Variants in HS3ST4 observed in about 807,000 individuals in gnomAD.
HS3ST4 encodes heparan sulfate-glucosamine 3-sulfotransferase 4, also known as heparan sulfate glucosamine 3-O-sulfotransferase 4.
A neutral mutation model predicts 29.2 loss-of-function variants in HS3ST4; 17 were observed. That is an observed-to-expected ratio of 0.58 (90% CI 0.40 to 0.87). The LOEUF (loss-of-function observed/expected upper bound fraction) is 0.87. Among genes scored for constraint, HS3ST4 ranks in the 40% least tolerant of loss-of-function variants. HS3ST4 has a pLI of 0.00. For synonymous variants in HS3ST4, 314 were observed against 285.7 expected (o/e 1.10, Z -1.00); for missense variants, 627 against 634.5 (o/e 0.99, Z 0.13).
chr16:25,869,215 G>T (rs769043849), intron 1 of HS3ST4, among the ~76,000 whole-genome samples: 1 of 152,070 alleles, frequency 6.6e-6, no homozygotes, highest in Non-Finnish European at 1.5e-5. Context: ...TTTGCTCTCC[G>T]TGGAGAAACA....
chr16:25,947,634 T>C (rs1341359464), intron 1 of HS3ST4, among the ~76,000 whole-genome samples: 2 of 152,198 alleles, frequency 1.3e-5, no homozygotes, highest in African/African-American at 4.8e-5. Flanking sequence ...GTCATCTTTG[T>C]CAGCATTTCA....
intron 1 of HS3ST4, among the ~76,000 whole-genome samples, chr16:25,805,653 T>G (rs1966982509): frequency 6.6e-6 from 1 of 152,152 alleles, no homozygotes; most frequent in Admixed American, 6.5e-5. Flanking sequence ...TCTAAGAAGA[T>G]CCTTATGGGA....
intron 1 of HS3ST4, among the ~76,000 whole-genome samples, chr16:25,715,378 C>A (rs1343352047): frequency 6.6e-6 from 1 of 150,438 alleles, no homozygotes; most frequent in African/African-American, 2.4e-5. Flanking sequence ...GCCTTTTGTG[C>A]CCCAGGCACC....
At chr16:25,892,528 G>T (rs773904520) in intron 1 of HS3ST4, among the ~76,000 whole-genome samples, 4 of 152,200 alleles carry the variant, frequency 2.6e-5, no homozygotes, top group Non-Finnish European at 5.9e-5. Context: ...TGAGAGAATG[G>T]ATGAGTTGAA....
intron 1 of HS3ST4, among the ~76,000 whole-genome samples, chr16:25,751,110 T>C (rs191918012): frequency 2.1e-4 from 32 of 152,280 alleles, no homozygotes; most frequent in Non-Finnish European, 3.5e-4. Flanking sequence ...ACTGCACAAC[T>C]CCTGTGTCTG....
chr16:26,129,289 C>A (rs780789096), intron 1 of HS3ST4, among the ~76,000 whole-genome samples: 4 of 152,198 alleles, frequency 2.6e-5, no homozygotes, highest in Non-Finnish European at 4.4e-5. Flanking sequence ...TAAGATTCAA[C>A]TTTGCCACCT....
At chr16:25,915,299 T>G (rs1010455748) in intron 1 of HS3ST4, among the ~76,000 whole-genome samples, 8 of 152,272 alleles carry the variant, frequency 5.3e-5, no homozygotes, top group Admixed American at 5.2e-4. Flanking sequence ...CTGCTTGCTG[T>G]CTCTCTGAAC....
intron 1 of HS3ST4, among the ~76,000 whole-genome samples, chr16:25,750,492 C>G (rs1297991126): frequency 6.6e-6 from 1 of 152,148 alleles, no homozygotes; most frequent in Non-Finnish European, 1.5e-5. Context: ...ACTGTTAGAC[C>G]TGATGCTACC....
intron 1 of HS3ST4, among the ~76,000 whole-genome samples, chr16:26,108,581 T>G (rs890282044): frequency 5.3e-5 from 8 of 152,208 alleles, no homozygotes; most frequent in African/African-American, 1.9e-4. Flanking sequence ...TCACTGAACT[T>G]GCCTGTACCT....
In HS3ST4 at chr16:25,854,389, T is replaced by G. The variant is rs767799367; in HGVS notation, c.734+161238T>G. ...CTTTAAGCATGCTAATGAATTGTAA[T>G]TAGCATATAATGAGCAGTGAGGATG... On this transcript the variant is annotated intron_variant, in intron 1 of 1. Coordinates refer to ENST00000331351, the MANE Select transcript of HS3ST4 (RefSeq NM_006040.3). Among the ~76,000 whole-genome samples the G allele has an allele frequency of 2.0e-5, 3 of 152,342 alleles. No individual in the cohort carries two copies. In the South Asian group the frequency reaches 6.2e-4, roughly 32 times the overall value.
intron 1 of HS3ST4, among the ~76,000 whole-genome samples, chr16:25,717,723 G>A (rs564429733): frequency 3.3e-5 from 5 of 152,256 alleles, no homozygotes; most frequent in South Asian, 2.1e-4. Context: ...TGTAGGCCAC[G>A]TTAAAGAGTT....
chr16:25,880,474 T>G (rs944481972), intron 1 of HS3ST4, among the ~76,000 whole-genome samples: 3 of 152,210 alleles, frequency 2.0e-5, no homozygotes, highest in Non-Finnish European at 4.4e-5. Flanking sequence ...CTCTTTACAG[T>G]AGTTCTTGGA....
At chr16:25,813,196 A>G (rs1967059221) in intron 1 of HS3ST4, among the ~76,000 whole-genome samples, 1 of 152,248 alleles carries the variant, frequency 6.6e-6, no homozygotes, top group Non-Finnish European at 1.5e-5. Context: ...AAAGATGTTC[A>G]ATATCATTAA....
chr16:25,819,262 T>C (rs1459159685), intron 1 of HS3ST4, among the ~76,000 whole-genome samples: 2 of 152,202 alleles, frequency 1.3e-5, no homozygotes, highest in Non-Finnish European at 2.9e-5. Context: ...CAGAGTTTTC[T>C]TTCATCATTC....
At chr16:25,933,794 G>A (rs1254839403) in intron 1 of HS3ST4, among the ~76,000 whole-genome samples, 1 of 152,146 alleles carries the variant, frequency 6.6e-6, no homozygotes, top group Non-Finnish European at 1.5e-5. Flanking sequence ...GTGAGGGAGA[G>A]AAGGAGGAGG....
chr16:25,759,248 C>G (rs772353299), intron 1 of HS3ST4, among the ~76,000 whole-genome samples: 10 of 152,202 alleles, frequency 6.6e-5, no homozygotes, highest in Non-Finnish European at 1.2e-4. Context: ...ACAACTTACT[C>G]TGCCCTGGGC....
intron 1 of HS3ST4, among the ~76,000 whole-genome samples, chr16:25,766,336 A>G (rs918394188): frequency 6.6e-6 from 1 of 152,158 alleles, no homozygotes; most frequent in Non-Finnish European, 1.5e-5. Flanking sequence ...ATCAGTACAG[A>G]AGGAATTGTA....
rs138016841 is a variant in HS3ST4 at position 25,925,938 on chromosome 16, C to A, written c.735-209674C>A. Among the ~76,000 whole-genome samples the A allele has an allele frequency of 5.1e-3, 779 of 152,226 alleles. 10 individuals are homozygous for A. Among genetic ancestry groups the A allele is most frequent in the African/African-American group, 0.017 (724 of 41,522 alleles). On this transcript the variant is annotated intron_variant, in intron 1 of 1. Coordinates refer to ENST00000331351, the MANE Select transcript of HS3ST4 (RefSeq NM_006040.3). Reference sequence around the variant, plus strand: ...CTATTAGGCAAGTTGTACTCCCTCTCTGCCTCCGCTCCCATGCCAGACCCT... The same window carrying A: ...CTATTAGGCAAGTTGTACTCCCTCTATGCCTCCGCTCCCATGCCAGACCCT...
chr16:25,753,233 G>GGCT (rs1966733099), intron 1 of HS3ST4, among the ~76,000 whole-genome samples: 1 of 152,190 alleles, frequency 6.6e-6, no homozygotes, highest in South Asian at 2.1e-4. Flanking sequence ...TTTTCTTCAA[G>GGCT]GCTGATTCAA....
Sources: allele counts gnomAD v4.1 joint callset (sites outside exome capture counted in the v4.1 genomes callset), GRCh38; gene constraint gnomAD v4.1.1; transcripts MANE v1.5; gene names NCBI Gene and HGNC (gene_info 2026-07-23, HGNC 2026-07-21).